Variants in MARCHF6 observed in about 807,000 individuals in gnomAD.
MARCHF6 encodes E3 ubiquitin-protein ligase MARCHF6.
MARCHF6 carries 31 observed loss-of-function variants against 133.7 expected under a neutral mutation model. The ratio of observed to expected loss-of-function variants is 0.23; its 90% CI spans 0.17 to 0.31. The LOEUF is 0.31. Among genes scored for constraint, MARCHF6 ranks in the 10% least tolerant of loss-of-function variants. MARCHF6 has a pLI of 1.00. For synonymous variants in MARCHF6, 395 were observed against 402.5 expected (o/e 0.98, Z 0.22); for missense variants, 723 against 1,121.6 (o/e 0.64, Z 5.08).
intron 1 of MARCHF6, among the ~76,000 whole-genome samples, chr5:10,367,588 G>C (rs1736212564): frequency 1.3e-5 from 2 of 152,104 alleles, no homozygotes; most frequent in South Asian, 4.1e-4. Context: ...AAAACTTAGA[G>C]TTTTATTTTT....
chr5:10,403,810 T>C (rs1738700637), intron 15 of MARCHF6, among the ~76,000 whole-genome samples: 1 of 152,228 alleles, frequency 6.6e-6, no homozygotes, highest in South Asian at 2.1e-4. Context: ...ACTCATTTTG[T>C]CACACTTCGT....
chr5:10,423,920 G>A, intron 23 of MARCHF6, 96 bp downstream of exon 23: 1 of 804,068 alleles, frequency 1.2e-6, no homozygotes, highest in Non-Finnish European at 1.9e-6. Flanking sequence ...CTACCTTGCT[G>A]AGTTTTCTAC....
At chr5:10,431,644 TGTGTGTGA>T (rs903614749) in intron 25 of MARCHF6, among the ~76,000 whole-genome samples, 3 of 151,562 alleles carry the variant, frequency 2.0e-5, no homozygotes, top group African/African-American at 7.3e-5. Context: ...TGTGTGTGTG[TGTGTGTGA>T]GAGTGTATGT....
intron 5 of MARCHF6, among the ~76,000 whole-genome samples, chr5:10,388,112 A>G (rs568302710): frequency 1.3e-5 from 2 of 152,272 alleles, no homozygotes; most frequent in South Asian, 4.1e-4. Flanking sequence ...TGCTTGCCTT[A>G]TATTGGCAGG....
chr5:10,391,716 A>G lies in MARCHF6; in HGVS notation c.751A>G (p.Asn251Asp), dbSNP rs1435135842. The G allele has an allele frequency of 6.4e-7, 1 of 1,564,186 alleles. No homozygotes were observed. The highest frequency in any genetic ancestry group is 1.4e-5 in the African/African-American group (1 of 72,678). The change falls in exon 7 of 26, where the codon AAT (asparagine) becomes GAT (aspartate). Residue 251 changes from asparagine to aspartate, a missense_variant. Asn to Asp is a conservative substitution (Grantham distance 23, BLOSUM62 1). Around this residue, in one of 4 missense-constraint regions of MARCHF6, gnomAD observed 97 missense variants for 115.4 expected, o/e 0.84. Transcript: ENST00000274140. ...TGGTGTGGAGGATGCGGCAGATGCT[A>G]ATAACGGAGCCCAGGGTAATGGCTG... ...DAGVEDAADA[N>D]NGAQDDMNWN...
chr5:10,422,106 TGTG>T (rs972441219), intron 22 of MARCHF6: 7 of 152,192 alleles, frequency 4.6e-5, no homozygotes, highest in South Asian at 2.1e-4. Flanking sequence ...ACGCAGTTGT[TGTG>T]GAGCTGTATG....
At chr5:10,416,721 T>C (rs1468782127) in intron 21 of MARCHF6, among the ~76,000 whole-genome samples, 1 of 152,224 alleles carries the variant, frequency 6.6e-6, no homozygotes, top group East Asian at 1.9e-4. Context: ...TAATGTCTCC[T>C]CTCTGTGTCA....
rs758272748 is a variant in MARCHF6, at chr5:10,391,722, G to A, written c.757G>A (p.Gly253Arg). Reference sequence around the variant, plus strand: ...GGAGGATGCGGCAGATGCTAATAACGGAGCCCAGGGTAATGGCTGCTTGTG... The same window carrying A: ...GGAGGATGCGGCAGATGCTAATAACAGAGCCCAGGGTAATGGCTGCTTGTG... ...GVEDAADANN[G>R]AQDDMNWNAL... is the part of the protein sequence containing the mutation. Residue 253 changes from glycine (G) to arginine (R), a missense_variant, in exon 7 of 26, where the codon GGA (glycine) becomes AGA (arginine). Around this residue, in one of 4 missense-constraint regions of MARCHF6, gnomAD observed 97 missense variants for 115.4 expected, o/e 0.84. Transcript: ENST00000274140. The A allele has an allele frequency of 1.9e-6, 3 of 1,555,022 alleles. No individual in the cohort carries two copies. The highest frequency in any genetic ancestry group is 3.8e-5 in the Admixed American group (2 of 52,220).
chr5:10,375,194 C>T (rs1199194577), intron 1 of MARCHF6, among the ~76,000 whole-genome samples: 3 of 152,198 alleles, frequency 2.0e-5, no homozygotes, highest in African/African-American at 2.4e-5. Context: ...CTGCGTGCAG[C>T]GCTTGCGGGC....
chr5:10,429,907 A>G lies in MARCHF6; in HGVS notation c.2521A>G (p.Met841Val). The change falls in exon 25 of 26, where the codon ATG becomes GTG. Residue 841 changes from methionine (M) to valine (V), a missense_variant. Coordinates refer to ENST00000274140, the MANE Select transcript of MARCHF6 (RefSeq NM_005885.4). ...TGGTTTTCTAGGTGTTACTGCGGAA[A>G]TGCAAAACTTAGTCCATCGGCGGAT... is the stretch of plus-strand genomic sequence containing the variant. Reference protein sequence around the residue: ...VVPLLGVTAEMQNLVHRRIYP... With the variant: ...VVPLLGVTAEVQNLVHRRIYP... 1.9e-6 allele frequency: 3 copies of G among 1,612,374 alleles called. No individual in the cohort carries two copies. Among genetic ancestry groups the G allele is most frequent in the Non-Finnish European group, 2.5e-6 (3 of 1,178,576 alleles).
chr5:10,423,514 T>C (rs1739933064), intron 22 of MARCHF6, among the ~76,000 whole-genome samples: 1 of 152,236 alleles, frequency 6.6e-6, no homozygotes, highest in African/African-American at 2.4e-5. Flanking sequence ...TATAGATTTT[T>C]AAAAGATAGA....
chr5:10,387,065 A>G lies in MARCHF6; in HGVS notation c.406A>G (p.Thr136Ala). The part of the protein sequence containing the change: ...LLTLPLDMLS[T>A]ENLLADCLQG... ...GACGCTGCCATTAGATATGCTGTCA[A>G]CGTGAGTATTGAACCTCTGTGACGA... is the stretch of plus-strand genomic sequence containing the variant. The change falls in exon 5 of 26, where the codon ACG (threonine) becomes GCG (alanine). Residue 136 changes from threonine to alanine, a missense_variant and splice_region_variant. Transcript: ENST00000274140. The G allele has an allele frequency of 1.2e-6, 2 of 1,610,054 alleles. No individual in the cohort carries two copies. Among genetic ancestry groups the G allele is most frequent in the Non-Finnish European group, 1.7e-6 (2 of 1,176,788 alleles).
At chr5:10,429,428 T>A (rs1315430003) in intron 24 of MARCHF6, among the ~76,000 whole-genome samples, 2 of 149,052 alleles carry the variant, frequency 1.3e-5, no homozygotes, top group Non-Finnish European at 3.0e-5. Context: ...AGGGTCTCAC[T>A]CTGTTGTCCA....
At chr5:10,388,500 C>T (rs1448552432) in intron 5 of MARCHF6, among the ~76,000 whole-genome samples, 1 of 152,174 alleles carries the variant, frequency 6.6e-6, no homozygotes, top group Non-Finnish European at 1.5e-5. Flanking sequence ...ACCTTAGTGG[C>T]TTAAAACAGC....
intron 1 of MARCHF6, among the ~76,000 whole-genome samples, chr5:10,367,637 T>A (rs535539590): frequency 6.6e-6 from 1 of 152,330 alleles, no homozygotes; most frequent in African/African-American, 2.4e-5. Flanking sequence ...TATTGAACTG[T>A]ACTGTTGGCT....
At chr5:10,410,424 C>A in intron 18 of MARCHF6, 148 bp downstream of exon 18, 1 of 911,924 alleles carries the variant, frequency 1.1e-6, no homozygotes. Context: ...GCATATAATA[C>A]TTCTAAATGA....
At chr5:10,373,349 G>A (rs945796288) in intron 1 of MARCHF6, among the ~76,000 whole-genome samples, 1 of 152,066 alleles carries the variant, frequency 6.6e-6, no homozygotes, top group Non-Finnish European at 1.5e-5. Flanking sequence ...CACTCCACCT[G>A]TCCTGTTCCA....
chr5:10,378,897 A>G, intron 3 of MARCHF6, 65 bp downstream of exon 3: 1 of 1,029,298 alleles, frequency 9.7e-7, no homozygotes, highest in Non-Finnish European at 1.5e-6. Context: ...AAGGTGTTTG[A>G]TATGATCAGT....
chr5:10,432,890 C>A (rs1041415155), intron 25 of MARCHF6, among the ~76,000 whole-genome samples: 2 of 151,514 alleles, frequency 1.3e-5, no homozygotes, highest in African/African-American at 4.9e-5. Flanking sequence ...TTACTTTCAT[C>A]CCTTCCTACT....
Sources: gnomAD v4.1 joint callset for allele counts (sites outside exome capture counted in the v4.1 genomes callset) on GRCh38, gnomAD v4.1.1 for gene constraint, gnomAD v4.1.1 regional missense constraint, MANE v1.5 for transcripts, NCBI Gene and HGNC (gene_info 2026-07-23, HGNC 2026-07-21) for gene names.